Variants in SH3PXD2A observed in about 807,000 individuals in gnomAD.
SH3PXD2A encodes SH3 and PX domain-containing protein 2A.
A neutral mutation model predicts 115.2 loss-of-function variants in SH3PXD2A; 32 were observed. That is an observed-to-expected ratio of 0.28 (90% CI 0.21 to 0.37). SH3PXD2A has a LOEUF of 0.37. Among genes scored for constraint, SH3PXD2A ranks in the 10% least tolerant of loss-of-function variants. The pLI, the probability that SH3PXD2A is intolerant of heterozygous loss-of-function variation, is 1.00. For missense variants in SH3PXD2A, 1,328 were observed against 1,498.7 expected, an observed-to-expected ratio of 0.89 and a Z score of 1.88; for synonymous variants, 610 against 629.1, an observed-to-expected ratio of 0.97 and a Z score of 0.45.
intron 7 of SH3PXD2A, among the ~76,000 whole-genome samples, chr10:103,664,837 T>A (rs1483983514): frequency 6.7e-6 from 1 of 150,352 alleles, no homozygotes; most frequent in Non-Finnish European, 1.5e-5. Flanking sequence ...TGGCTAAATT[T>A]TTTTTTGTAT....
intron 6 of SH3PXD2A, among the ~76,000 whole-genome samples, chr10:103,681,532 C>T (rs1035440270): frequency 6.6e-6 from 1 of 152,200 alleles, no homozygotes; most frequent in Non-Finnish European, 1.5e-5. Flanking sequence ...CTCTGGGGGG[C>T]CAAGGCAGGA....
intron 2 of SH3PXD2A, among the ~76,000 whole-genome samples, chr10:103,771,938 T>C (rs1056688840): frequency 1.3e-5 from 2 of 152,032 alleles, no homozygotes; most frequent in African/African-American, 4.8e-5. Context: ...ACCACCAGGA[T>C]AAACCAGCAG....
chr10:103,621,756 A>C (rs905780631), intron 10 of SH3PXD2A, among the ~76,000 whole-genome samples: 17 of 152,156 alleles, frequency 1.1e-4, no homozygotes, highest in Non-Finnish European at 2.5e-4. Context: ...GGATGCTAGA[A>C]AGATCCTGGG....
Position 103,602,383 on chromosome 10 carries a change from G to T in SH3PXD2A, c.2835C>A (p.Ala945=). The change falls in exon 15 of 15, where the codon GCC becomes GCA. Residue 945 remains alanine, a synonymous_variant. Transcript: ENST00000369774. ...GAGGTTTGGAGGGGATGGGGGGCGT[G>T]GCCTTCTTGCTCTGGTTGACGGTGT... ...ALNTVNQSKK[A]TPPIPSKPPG... The T allele has an allele frequency of 6.2e-7, 1 of 1,613,962 alleles. No individual in the cohort carries two copies. Among genetic ancestry groups the T allele is most frequent in the Non-Finnish European group, 8.5e-7 (1 of 1,179,966 alleles).
At position 103,602,170 on chromosome 10, in the gene SH3PXD2A, G is replaced by A. The variant is rs1369583767; in HGVS notation, c.3048C>T (p.Ser1016=). Residue 1016 remains serine (S), a synonymous_variant, in exon 15 of 15, where the codon TCC becomes TCT. Transcript: ENST00000369774. Reference sequence around the variant, plus strand: ...CAGCGGAGCGAGCAGTGCTAAAGGAGGAGTTCCGTCGGACGCCTCGGAGGC... The same window carrying A: ...CAGCGGAGCGAGCAGTGCTAAAGGAAGAGTTCCGTCGGACGCCTCGGAGGC... ...TDGLRGVRRN[S]SFSTARSAAA... is the part of the protein sequence containing the mutation. 3 of 1,575,798 alleles carry A rather than the reference G, an allele frequency of 1.9e-6. No individual in the cohort carries two copies. Among genetic ancestry groups the A allele is most frequent in the African/African-American group, 1.3e-5 (1 of 74,148 alleles).
At chr10:103,605,685 T>C (rs2036289797) in intron 14 of SH3PXD2A, 113 bp downstream of exon 14, 1 of 1,349,440 alleles carries the variant, frequency 7.4e-7, no homozygotes, top group Non-Finnish European at 1.0e-6. Flanking sequence ...TTTCTGTACC[T>C]TTCCTGCCTG....
intron 4 of SH3PXD2A, among the ~76,000 whole-genome samples, chr10:103,728,889 G>GTTTTTTTTTTTTTTTTT (rs199842369): frequency 2.1e-5 from 3 of 142,854 alleles, no homozygotes; most frequent in African/African-American, 8.0e-5. Context: ...TTTTTTGTTT[G>GTTTTTTTTTTTTTTTTT]TTTGTTTGTT....
intron 5 of SH3PXD2A, among the ~76,000 whole-genome samples, chr10:103,707,658 C>T (rs1489119144): frequency 1.3e-5 from 2 of 152,210 alleles, no homozygotes; most frequent in Admixed American, 1.3e-4. Context: ...GCTCACTGTA[C>T]TTCATGTACA....
At chr10:103,638,002 C>G (rs1404151154) in intron 8 of SH3PXD2A, among the ~76,000 whole-genome samples, 1 of 152,234 alleles carries the variant, frequency 6.6e-6, no homozygotes, top group African/African-American at 2.4e-5. Context: ...TCGGCCAGGC[C>G]TCCCCTGGTC....
intron 10 of SH3PXD2A, 68 bp downstream of exon 10, chr10:103,622,398 GGAAA>G (rs2036620173): frequency 2.0e-6 from 2 of 1,018,256 alleles, no homozygotes; most frequent in Admixed American, 2.0e-5. Flanking sequence ...AGCAGAGCCC[GGAAA>G]GAAAGAGCAG....
chr10:103,734,474 T>C (rs1024649205), intron 4 of SH3PXD2A, among the ~76,000 whole-genome samples: 10 of 152,118 alleles, frequency 6.6e-5, no homozygotes, highest in Non-Finnish European at 5.9e-5. Context: ...TATGGCTGGG[T>C]GCGGTGGCTC....
intron 3 of SH3PXD2A, among the ~76,000 whole-genome samples, chr10:103,744,220 C>T (rs1431307154): frequency 6.7e-6 from 1 of 148,608 alleles, no homozygotes; most frequent in Non-Finnish European, 1.5e-5. Context: ...ATGGCATGAT[C>T]TCGGCTCACC....
intron 3 of SH3PXD2A, among the ~76,000 whole-genome samples, chr10:103,750,284 C>T (rs565587422): frequency 2.0e-5 from 3 of 152,278 alleles, no homozygotes; most frequent in East Asian, 1.9e-4. Flanking sequence ...AACTCCCAGG[C>T]TCAAGTGATC....
chr10:103,607,540 C>T (rs1354294280), intron 13 of SH3PXD2A, among the ~76,000 whole-genome samples: 1 of 151,142 alleles, frequency 6.6e-6, no homozygotes, highest in Non-Finnish European at 1.5e-5. Context: ...GGGGGTCAGC[C>T]CCCTGCCCGG....
intron 5 of SH3PXD2A, among the ~76,000 whole-genome samples, chr10:103,702,547 G>A (rs2037927642): frequency 6.6e-6 from 1 of 151,712 alleles, no homozygotes; most frequent in African/African-American, 2.4e-5. Flanking sequence ...GGAAGGGATG[G>A]TGTGAGCAAC....
Position 103,705,351 on chromosome 10 carries a change from C to T in SH3PXD2A, c.399-12295G>A, listed in dbSNP as rs995255334. Among the ~76,000 whole-genome samples, 14 of 152,202 alleles carry T rather than the reference C, an allele frequency of 9.2e-5. No individual in the cohort carries two copies. The East Asian group carries it at 1.2e-3, about 13-fold the overall frequency. On this transcript the variant is annotated intron_variant, in intron 5 of 14. Coordinates refer to ENST00000369774, the MANE Select transcript of SH3PXD2A (RefSeq NM_001394015.1). ...GTCACCACTGAGCAGTTCTCCCCAC[C>T]GTGAGTGAGCTCTTCTTACCCAAAG...
At chr10:103,622,895 G>A (rs1004899110) in intron 9 of SH3PXD2A, among the ~76,000 whole-genome samples, 1 of 152,168 alleles carries the variant, frequency 6.6e-6, no homozygotes, top group Admixed American at 6.5e-5. Flanking sequence ...CAGCCTCCAG[G>A]GATGGTGAGA....
chr10:103,719,838 G>T (rs1302499372), intron 5 of SH3PXD2A, among the ~76,000 whole-genome samples: 3 of 147,666 alleles, frequency 2.0e-5, no homozygotes, highest in Non-Finnish European at 1.5e-5. Flanking sequence ...TCCTGTCTCA[G>T]CCTCCCAAGT....
chr10:103,719,110 A>T (rs1049510686), intron 5 of SH3PXD2A, among the ~76,000 whole-genome samples: 10 of 152,280 alleles, frequency 6.6e-5, no homozygotes, highest in African/African-American at 2.2e-4. Flanking sequence ...TGAGAATTTT[A>T]TTTCTGTTGT....
Sources: allele counts gnomAD v4.1 joint callset (sites outside exome capture counted in the v4.1 genomes callset), GRCh38; gene constraint gnomAD v4.1.1; transcripts MANE v1.5; gene names NCBI Gene and HGNC (gene_info 2026-07-23, HGNC 2026-07-21).